BRD10: variants seen among roughly 807,000 people sequenced by gnomAD.
BRD10 encodes the protein bromodomain containing 10.
the BRD10 span, among the ~76,000 whole-genome samples, chr9:5,974,420 A>T: frequency 1.3e-5 from 2 of 152,164 alleles, no homozygotes; most frequent in Non-Finnish European, 2.9e-5. Context: ...AACCAACAAC[A>T]AAAAAATCCT....
At chr9:5,947,282 T>C in the BRD10 span, among the ~76,000 whole-genome samples, 2 of 152,120 alleles carry the variant, frequency 1.3e-5, no homozygotes, top group East Asian at 1.9e-4. Context: ...GGTGAGACCT[T>C]GGATTCTGCA....
the BRD10 span, among the ~76,000 whole-genome samples, chr9:5,943,174 G>T: frequency 6.6e-6 from 1 of 152,228 alleles, no homozygotes; most frequent in Non-Finnish European, 1.5e-5. Flanking sequence ...ACTACGCCTG[G>T]CTGTGGTTTA....
chr9:5,993,161 A>C, the BRD10 span, among the ~76,000 whole-genome samples: 1 of 151,760 alleles, frequency 6.6e-6, no homozygotes, highest in Non-Finnish European at 1.5e-5. Flanking sequence ...ACTAATAATA[A>C]AAAATTAGCT....
At chr9:5,942,657 G>A in the BRD10 span, among the ~76,000 whole-genome samples, 1 of 152,136 alleles carries the variant, frequency 6.6e-6, no homozygotes, top group Non-Finnish European at 1.5e-5. Flanking sequence ...CTTATGTTTA[G>A]TAATCTCAGT....
the BRD10 span, among the ~76,000 whole-genome samples, chr9:5,955,778 A>C: frequency 3.9e-5 from 6 of 152,002 alleles, no homozygotes; most frequent in Non-Finnish European, 7.4e-5. Flanking sequence ...TTCTGTGCTT[A>C]CACAGTACCT....
the BRD10 span, among the ~76,000 whole-genome samples, chr9:5,951,376 A>G: frequency 6.6e-6 from 1 of 152,064 alleles, no homozygotes; most frequent in Non-Finnish European, 1.5e-5. Context: ...TCTCTATCTA[A>G]GCATGCTTTC....
chr9:5,980,495 G>A, the BRD10 span, among the ~76,000 whole-genome samples: 5 of 152,138 alleles, frequency 3.3e-5, no homozygotes, highest in Non-Finnish European at 7.3e-5. Context: ...AGCATATACT[G>A]CACAAGGAAG....
chr9:5,968,676 T>G, the BRD10 span: 2,189 of 1,613,864 alleles, frequency 1.4e-3, 33 homozygotes, highest in African/African-American at 0.026. Flanking sequence ...CCATTACTTG[T>G]ACTAACATAG....
chr9:5,960,217 T>A, the BRD10 span, among the ~76,000 whole-genome samples: 1 of 152,204 alleles, frequency 6.6e-6, no homozygotes, highest in Non-Finnish European at 1.5e-5. Flanking sequence ...CCACTTGTCT[T>A]ATTCATTTTA....
the BRD10 span, among the ~76,000 whole-genome samples, chr9:5,905,714 T>G: frequency 6.6e-6 from 1 of 152,240 alleles, no homozygotes; most frequent in African/African-American, 2.4e-5. Context: ...CTTTGCCATG[T>G]CCTGCCTTTT....
chr9:5,952,264 G>A, the BRD10 span, among the ~76,000 whole-genome samples: 4 of 151,884 alleles, frequency 2.6e-5, 1 homozygote, highest in Non-Finnish European at 4.4e-5. Flanking sequence ...CAGGTGATCC[G>A]CCTGCCTCGG....
the BRD10 span, among the ~76,000 whole-genome samples, chr9:5,963,925 A>G: frequency 4.0e-5 from 6 of 151,696 alleles, no homozygotes; most frequent in African/African-American, 1.5e-4. Context: ...TAAAGATTTA[A>G]ACGTTAGACC....
chr9:5,922,451 G>A, the BRD10 span: 101 of 1,613,880 alleles, frequency 6.3e-5, 3 homozygotes, highest in South Asian at 1.0e-3. Context: ...CTGTGGTCTA[G>A]CACTACTTAT....
chr9:5,898,943 C>A, the BRD10 span: 8 of 152,136 alleles, frequency 5.3e-5, no homozygotes, highest in Non-Finnish European at 1.0e-4. Flanking sequence ...CTTCTTTACC[C>A]AAATATGCAG....
chr9:5,900,147 C>A, the BRD10 span, among the ~76,000 whole-genome samples: 84 of 152,106 alleles, frequency 5.5e-4, no homozygotes, highest in African/African-American at 2.0e-3. Flanking sequence ...AGTAATTTTT[C>A]TTTTCTGCTT....
the BRD10 span, among the ~76,000 whole-genome samples, chr9:5,962,177 A>G: frequency 2.3e-3 from 347 of 152,194 alleles, 3 homozygotes; most frequent in African/African-American, 8.0e-3. Context: ...TAATAAAGAA[A>G]AAACGAGAGA....
At chr9:5,921,605 A>C in the BRD10 span, 14 of 1,613,884 alleles carry the variant, frequency 8.7e-6, no homozygotes, top group Non-Finnish European at 1.2e-5. Context: ...CCCACTGATT[A>C]CATCTCCATT....
At chr9:5,909,619 A>G in the BRD10 span, 1 of 152,218 alleles carries the variant, frequency 6.6e-6, no homozygotes, top group Non-Finnish European at 1.5e-5. Flanking sequence ...TCAAGGCTCA[A>G]TGCTATTCTA....
the BRD10 span, among the ~76,000 whole-genome samples, chr9:5,999,116 T>C: frequency 6.6e-6 from 1 of 152,076 alleles, no homozygotes; most frequent in African/African-American, 2.4e-5. Context: ...AATTCTTTTT[T>C]TGGTTATTGG....
Sources: gnomAD v4.1 joint callset for allele counts (sites outside exome capture counted in the v4.1 genomes callset) on GRCh38, gnomAD v4.1.1 for gene constraint, MANE v1.5 for transcripts, NCBI Gene and HGNC (gene_info 2026-07-23, HGNC 2026-07-21) for gene names.